The following CAMK4 variants were observed in gnomAD, a reference collection of about 807,000 sequenced individuals.
CAMK4 encodes calcium/calmodulin dependent protein kinase IV.
In CAMK4, 22 loss-of-function variants were observed where a neutral mutation model predicts 44.9. The ratio of observed to expected loss-of-function variants is 0.49; its 90% confidence interval spans 0.35 to 0.70. CAMK4 has a LOEUF of 0.70. Among genes scored for constraint, CAMK4 ranks in the 30% least tolerant of loss-of-function variants. CAMK4 has a pLI of 0.01. For missense variants in CAMK4, 498 were observed against 586.8 expected (o/e 0.85, Z 1.56); for synonymous variants, 218 against 215.4 (o/e 1.01, Z -0.11).
intron 5 of CAMK4, among the ~76,000 whole-genome samples, chr5:111,436,881 A>G (rs923632821): frequency 3.9e-5 from 6 of 152,240 alleles, no homozygotes; most frequent in Admixed American, 6.5e-5. Flanking sequence ...GCAACGCTGT[A>G]TTGAATATTC....
At chr5:111,315,467 TAAAG>T (rs937594490) in intron 1 of CAMK4, among the ~76,000 whole-genome samples, 1 of 152,154 alleles carries the variant, frequency 6.6e-6, no homozygotes, top group African/African-American at 2.4e-5. Context: ...TGAAATCAGA[TAAAG>T]AAGAAAGAAG....
rs148107764 is a variant in CAMK4, at chr5:111,371,962, C to T, written c.241-2888C>T. ...ACAAAACTAGGTAGCCTGCTAGGTTCGTTCACCAGCTAAGTGATTGCTCCT... is the reference window on the plus strand; with the variant it reads ...ACAAAACTAGGTAGCCTGCTAGGTTTGTTCACCAGCTAAGTGATTGCTCCT... On this transcript the variant is annotated intron_variant, in intron 2 of 10. Coordinates refer to ENST00000282356, the MANE Select transcript of CAMK4 (RefSeq NM_001744.6). Among the ~76,000 whole-genome samples, 509 of 152,254 alleles carry T rather than the reference C, an allele frequency of 3.3e-3. 3 individuals carry two copies. Among genetic ancestry groups the T allele is most frequent in the African/African-American group, 0.011 (469 of 41,550 alleles).
At chr5:111,458,059 A>T (rs2042152) in intron 7 of CAMK4, among the ~76,000 whole-genome samples, 1 of 152,018 alleles carries the variant, frequency 6.6e-6, no homozygotes, top group Non-Finnish European at 1.5e-5. Context: ...GGGGAGAGGA[A>T]GTGAGGCAGA....
chr5:111,316,284 T>C (rs1318399455), intron 1 of CAMK4, among the ~76,000 whole-genome samples: 1 of 152,206 alleles, frequency 6.6e-6, no homozygotes, highest in Non-Finnish European at 1.5e-5. Flanking sequence ...TCTTTTTCTA[T>C]GACCATCCTT....
At chr5:111,279,593 C>T (rs191624450) in intron 1 of CAMK4, among the ~76,000 whole-genome samples, 1 of 152,304 alleles carries the variant, frequency 6.6e-6, no homozygotes, top group East Asian at 1.9e-4. Context: ...ACAGTTAATT[C>T]AGCAAATCCT....
At chr5:111,308,622 A>T (rs1436318686) in intron 1 of CAMK4, among the ~76,000 whole-genome samples, 1 of 152,224 alleles carries the variant, frequency 6.6e-6, no homozygotes, top group Non-Finnish European at 1.5e-5. Context: ...AATTTAGTCC[A>T]GTGGGAAACA....
At chr5:111,228,270 T>C (rs1748292671) in intron 1 of CAMK4, among the ~76,000 whole-genome samples, 1 of 152,192 alleles carries the variant, frequency 6.6e-6, no homozygotes, top group African/African-American at 2.4e-5. Context: ...TTTTTTTCTT[T>C]AAATTTAGTT....
intron 7 of CAMK4, among the ~76,000 whole-genome samples, chr5:111,463,970 G>A (rs907752480): frequency 1.3e-5 from 2 of 151,778 alleles, no homozygotes; most frequent in African/African-American, 4.8e-5. Flanking sequence ...CTAGCTTACC[G>A]GCAATGGATC....
At chr5:111,300,290 G>A (rs751268705) in intron 1 of CAMK4, among the ~76,000 whole-genome samples, 17 of 152,154 alleles carry the variant, frequency 1.1e-4, no homozygotes, top group Non-Finnish European at 2.2e-4. Context: ...ACCACATTTC[G>A]AATTGCTGCA....
intron 5 of CAMK4, among the ~76,000 whole-genome samples, chr5:111,435,370 T>G (rs1007842912): frequency 1.3e-5 from 2 of 152,046 alleles, no homozygotes; most frequent in Non-Finnish European, 2.9e-5. Context: ...CTACTCTTAT[T>G]TTTTAATATT....
At chr5:111,318,000 T>C (rs1266784967) in intron 1 of CAMK4, among the ~76,000 whole-genome samples, 5 of 150,914 alleles carry the variant, frequency 3.3e-5, no homozygotes, top group African/African-American at 1.2e-4. Flanking sequence ...AAAAGCAGAT[T>C]TGTACTACAT....
intron 7 of CAMK4, among the ~76,000 whole-genome samples, chr5:111,457,596 A>C (rs146037768): frequency 4.6e-5 from 7 of 152,344 alleles, no homozygotes; most frequent in African/African-American, 1.7e-4. Context: ...TTATAGTTGA[A>C]CAGAAGAGAT....
In CAMK4 at chr5:111,479,272, T is replaced by C. The variant is rs577866011; in HGVS notation, c.828+765T>C. On this transcript the variant is annotated intron_variant, in intron 9 of 10. Transcript: ENST00000282356. ...GTAACGTAAGTCCCATTATGCATCA[T>C]TGGCATTATAAAAATGTTCCACTGT... Among the ~76,000 whole-genome samples, 86 of 152,322 alleles carry C rather than the reference T, an allele frequency of 5.6e-4. 1 individual carries two copies. Among genetic ancestry groups the C allele is most frequent in the Admixed American group, 3.0e-3 (46 of 15,296 alleles).
intron 1 of CAMK4, among the ~76,000 whole-genome samples, chr5:111,239,047 T>C (rs1489858427): frequency 2.0e-5 from 3 of 151,872 alleles, no homozygotes; most frequent in Admixed American, 2.0e-4. Flanking sequence ...GGATTTTTTG[T>C]TGCCAACTAG....
chr5:111,470,448 G>A (rs1377100286), intron 7 of CAMK4, among the ~76,000 whole-genome samples: 2 of 152,074 alleles, frequency 1.3e-5, no homozygotes, highest in East Asian at 3.8e-4. Flanking sequence ...CACCATACAG[G>A]TTCTTTATCT....
intron 1 of CAMK4, among the ~76,000 whole-genome samples, chr5:111,340,413 A>C (rs1749591485): frequency 6.6e-6 from 1 of 151,216 alleles, no homozygotes; most frequent in Non-Finnish European, 1.5e-5. Flanking sequence ...ATTTGTTGAG[A>C]GTTTTTGTCA....
In CAMK4 at chr5:111,490,035, T is replaced by C. The variant is rs1755762093; in HGVS notation, c.*5569T>C. The C allele has an allele frequency of 6.6e-6, 1 of 152,234 alleles. No homozygotes were observed. The highest frequency in any genetic ancestry group is 2.4e-5 in the African/African-American group (1 of 41,464). The allele number at this position is 152,234 out of a possible 1,614,324, so 9.4% of individuals were successfully genotyped here. A position where few individuals can be genotyped will look rare whatever the true frequency, so the allele number is the denominator to read the frequency against. On this transcript the variant is annotated 3_prime_UTR_variant, in exon 11 of 11. Coordinates refer to ENST00000282356, the MANE Select transcript of CAMK4 (RefSeq NM_001744.6). ...TTTCAGCTCATTTTGAAGATTGACC[T>C]GGAAAACATATAGATACAGAATATA...
chr5:111,336,571 A>G (rs1749414809), intron 1 of CAMK4, among the ~76,000 whole-genome samples: 1 of 150,912 alleles, frequency 6.6e-6, no homozygotes, highest in African/African-American at 2.4e-5. Context: ...TTTCTAGTAT[A>G]CTTGTGTCCT....
intron 5 of CAMK4, among the ~76,000 whole-genome samples, chr5:111,398,823 A>C (rs930914732): frequency 6.6e-6 from 1 of 152,180 alleles, no homozygotes; most frequent in Non-Finnish European, 1.5e-5. Context: ...GCTAAAACCT[A>C]GAATTCACCT....
Sources: allele counts gnomAD v4.1 joint callset (sites outside exome capture counted in the v4.1 genomes callset), GRCh38; gene constraint gnomAD v4.1.1; transcripts MANE v1.5; gene names NCBI Gene and HGNC (gene_info 2026-07-23, HGNC 2026-07-21).